PIK3C2G: variants seen among roughly 807,000 people sequenced by gnomAD.
PIK3C2G encodes the protein phosphatidylinositol-4-phosphate 3-kinase catalytic subunit type 2 gamma.
In PIK3C2G, 168 loss-of-function variants were observed where a neutral mutation model predicts 181.1. That is an observed-to-expected ratio of 0.93 (90% CI 0.82 to 1.05). The LOEUF is 1.05. PIK3C2G is among the 50% of genes least tolerant of loss of function. The pLI, the probability that PIK3C2G is intolerant of heterozygous loss-of-function variation, is 0.00. For synonymous variants in PIK3C2G, 573 were observed against 592.2 expected (o/e 0.97, Z 0.47); for missense variants, 1,869 against 1,732.8 (o/e 1.08, Z -1.40).
In PIK3C2G at chr12:18,490,649, G is replaced by C. The variant is rs566498190; in HGVS notation, c.2686-802G>C. Among the ~76,000 whole-genome samples, 4 of 152,170 alleles carry C rather than the reference G, an allele frequency of 2.6e-5. No individual in the cohort carries two copies. The South Asian group carries it at 6.2e-4, about 24-fold the overall frequency. ...ATGTGATATTTGTCTTCCTGTGTCT[G>C]GCTTATTTCACATAACATAATGACC... On this transcript the variant is annotated intron_variant, in intron 19 of 32. Transcript: ENST00000538779.
chr12:18,399,613 G>A, intron 15 of PIK3C2G, 46 bp from the exon 16 acceptor site: 2 of 1,238,666 alleles, frequency 1.6e-6, no homozygotes, highest in Non-Finnish European at 1.1e-6. Flanking sequence ...ACATTTGTTA[G>A]TGCAGCAAAC....
At chr12:18,505,081 A>G (rs1223332792) in intron 23 of PIK3C2G, among the ~76,000 whole-genome samples, 1 of 152,170 alleles carries the variant, frequency 6.6e-6, no homozygotes, top group Admixed American at 6.5e-5. Context: ...GAAAACATTC[A>G]TCTATTAGGC....
Position 18,282,015 on chromosome 12 carries a change from T to G in PIK3C2G, c.-67T>G. The G allele has an allele frequency of 1.1e-6, 1 of 908,818 alleles. No homozygotes were observed. 56.3% of individuals were successfully genotyped at this position (908,818 alleles called of 1,614,324 possible). A position where few individuals can be genotyped will look rare whatever the true frequency, so the allele number is the denominator to read the frequency against. On this transcript the variant is annotated 5_prime_UTR_variant, in exon 2 of 33. It introduces an in-frame stop codon into an upstream open reading frame of the 5' UTR. Coordinates refer to ENST00000538779, the MANE Select transcript of PIK3C2G (RefSeq NM_001288772.2). The stretch of plus-strand genomic sequence containing the variant: ...TATGCTTTTTCTAGGAAAATTTCTA[T>G]CTTCTTTTGTATTATCAAGGAGATA...
rs570682780 is a variant in PIK3C2G, at chr12:18,547,853, C to T, written c.3590+1421C>T. On this transcript the variant is annotated intron_variant, in intron 26 of 32. Transcript: ENST00000538779. ...GTGGCCAAAGACATTAGCTTGAAGACTTGGGGAGGTATTTTAGACCCTTTA... is the reference window on the plus strand; with the variant it reads ...GTGGCCAAAGACATTAGCTTGAAGATTTGGGGAGGTATTTTAGACCCTTTA... Among the ~76,000 whole-genome samples the T allele has an allele frequency of 4.0e-5, 6 of 151,084 alleles. No individual in the cohort carries two copies. In the East Asian group the frequency reaches 1.2e-3, roughly 29 times the overall value.
At chr12:18,363,504 C>T (rs1224289488) in intron 12 of PIK3C2G, among the ~76,000 whole-genome samples, 2 of 152,006 alleles carry the variant, frequency 1.3e-5, no homozygotes, top group Non-Finnish European at 2.9e-5. Context: ...CCCCAGGGGG[C>T]TCATCAGCCT....
chr12:18,370,641 C>T (rs1941983465), intron 12 of PIK3C2G, among the ~76,000 whole-genome samples: 1 of 152,278 alleles, frequency 6.6e-6, no homozygotes, highest in Non-Finnish European at 1.5e-5. Flanking sequence ...TTTCTAATTA[C>T]ATCCTCCACA....
At chr12:18,377,647 A>G (rs892473559) in intron 13 of PIK3C2G, among the ~76,000 whole-genome samples, 6 of 152,210 alleles carry the variant, frequency 3.9e-5, no homozygotes, top group African/African-American at 2.4e-5. Flanking sequence ...GGCAGGCTCC[A>G]GATGTCCTGA....
chr12:18,710,070 C>T, the PIK3C2G span, among the ~76,000 whole-genome samples: 1 of 151,026 alleles, frequency 6.6e-6, no homozygotes, highest in East Asian at 1.9e-4. Context: ...AATCGTTGGG[C>T]TTTTTTACAT....
At chr12:18,520,677 C>T (rs963239317) in intron 24 of PIK3C2G, among the ~76,000 whole-genome samples, 7 of 152,066 alleles carry the variant, frequency 4.6e-5, no homozygotes, top group East Asian at 1.9e-4. Context: ...TCTAGTGCAG[C>T]GTAGCTTGCT....
At chr12:18,422,867 C>T (rs894793583) in intron 17 of PIK3C2G, among the ~76,000 whole-genome samples, 3 of 152,052 alleles carry the variant, frequency 2.0e-5, no homozygotes, top group African/African-American at 4.8e-5. Flanking sequence ...AGCAGTAGCA[C>T]GTGAATGATA....
intron 28 of PIK3C2G, among the ~76,000 whole-genome samples, chr12:18,565,333 G>A (rs1179198897): frequency 6.6e-6 from 1 of 152,114 alleles, no homozygotes; most frequent in Non-Finnish European, 1.5e-5. Flanking sequence ...GTAACTTCCA[G>A]GGGTACACGA....
chr12:18,467,115 G>A (rs1428192305), intron 18 of PIK3C2G, among the ~76,000 whole-genome samples: 3 of 151,886 alleles, frequency 2.0e-5, no homozygotes, highest in African/African-American at 7.2e-5. Flanking sequence ...GGCTTGAAAC[G>A]CTCAATGATA....
At chr12:18,292,283 A>C (rs1225266055) in intron 4 of PIK3C2G, among the ~76,000 whole-genome samples, 2 of 142,878 alleles carry the variant, frequency 1.4e-5, no homozygotes, top group East Asian at 4.1e-4. Flanking sequence ...CAAGTATATG[A>C]ATTTCAGCAA....
chr12:18,699,950 T>A, the PIK3C2G span: 2 of 1,607,816 alleles, frequency 1.2e-6, no homozygotes, highest in Non-Finnish European at 8.5e-7. Flanking sequence ...AGCTTCCTGG[T>A]CTAAAAATAA....
the PIK3C2G span, among the ~76,000 whole-genome samples, chr12:18,694,305 G>GCGCTCTTT: frequency 6.6e-6 from 1 of 152,072 alleles, no homozygotes; most frequent in South Asian, 2.1e-4. Context: ...CCAATAAAGC[G>GCGCTCTTT]CGCTCTTTCA....
chr12:18,381,907 T>C, intron 14 of PIK3C2G, 27 bp downstream of exon 14: 2 of 1,294,898 alleles, frequency 1.5e-6, no homozygotes, highest in Non-Finnish European at 2.3e-6. Context: ...AAGATTAAAG[T>C]ACACATGGCA....
At chr12:18,615,121 C>G (rs1948533969) in intron 31 of PIK3C2G, among the ~76,000 whole-genome samples, 1 of 151,872 alleles carries the variant, frequency 6.6e-6, no homozygotes, top group African/African-American at 2.4e-5. Flanking sequence ...TCACCCACTT[C>G]CCACCCTTCC....
At chr12:18,508,966 T>C (rs1942030172) in intron 24 of PIK3C2G, among the ~76,000 whole-genome samples, 1 of 152,220 alleles carries the variant, frequency 6.6e-6, no homozygotes, top group African/African-American at 2.4e-5. Flanking sequence ...CTATTGTCTA[T>C]TTCTTAAAAA....
intron 24 of PIK3C2G, among the ~76,000 whole-genome samples, chr12:18,531,878 G>C (rs777930685): frequency 3.3e-5 from 5 of 152,110 alleles, no homozygotes; most frequent in Non-Finnish European, 5.9e-5. Context: ...GTATTTCTCT[G>C]AGGTAAATGT....
Sources: gnomAD v4.1 joint callset for allele counts (sites outside exome capture counted in the v4.1 genomes callset) on GRCh38, gnomAD v4.1.1 for gene constraint, MANE v1.5 for transcripts, NCBI Gene and HGNC (gene_info 2026-07-23, HGNC 2026-07-21) for gene names.